Variants in CCDC191 observed in about 807,000 individuals in gnomAD.
CCDC191 encodes the protein coiled-coil domain containing 191, also known as coiled-coil domain-containing protein 191.
A neutral mutation model predicts 114.0 loss-of-function variants in CCDC191; 99 were observed. The observed-to-expected ratio is 0.87, with a 90% CI of 0.74 to 1.03. CCDC191 has a LOEUF of 1.03. Ranked by LOEUF, CCDC191 falls within the 50% of genes least tolerant of loss-of-function variation. The probability of loss-of-function intolerance (pLI) is 0.00; values close to 1 mark genes in which losing one functional copy is unlikely to be tolerated. For missense variants in CCDC191, 973 were observed against 1,087.0 expected (o/e 0.90, Z 1.47); for synonymous variants, 351 against 376.0 (o/e 0.93, Z 0.77).
intron 15 of CCDC191, 91 bp from the exon 16 acceptor site, chr3:113,978,422 A>G: frequency 7.7e-7 from 1 of 1,300,720 alleles, no homozygotes; most frequent in Non-Finnish European, 1.1e-6. Context: ...CAGAAATGAA[A>G]CAAAAGAAAC....
At chr3:114,003,386 A>G in intron 11 of CCDC191, 1 of 985,242 alleles carries the variant, frequency 1.0e-6, no homozygotes, top group Middle Eastern at 5.2e-4. Context: ...TCACCAGGCT[A>G]TTTCTTACAG....
intron 8 of CCDC191, among the ~76,000 whole-genome samples, chr3:114,018,359 G>A (rs201041988): frequency 6.8e-6 from 1 of 146,092 alleles, no homozygotes; most frequent in African/African-American, 2.6e-5. Context: ...TATTTTATTG[G>A]AGACAGGATC....
intron 4 of CCDC191, among the ~76,000 whole-genome samples, chr3:114,037,900 T>C (rs1311811923): frequency 3.3e-5 from 5 of 152,194 alleles, no homozygotes; most frequent in Admixed American, 6.5e-5. Flanking sequence ...ATATTTTTCA[T>C]CCATGGTTGG....
intron 13 of CCDC191, among the ~76,000 whole-genome samples, 155 bp downstream of exon 13, chr3:114,001,440 G>A (rs184988698): frequency 2.6e-5 from 4 of 152,292 alleles, no homozygotes; most frequent in South Asian, 2.1e-4. Flanking sequence ...TCTGAAGAAT[G>A]AGTAGCTTTT....
chr3:113,988,229 C>G (rs922997623), intron 13 of CCDC191, among the ~76,000 whole-genome samples: 1 of 151,390 alleles, frequency 6.6e-6, no homozygotes, highest in Non-Finnish European at 1.5e-5. Flanking sequence ...GGTGCAGTGG[C>G]TCACGCCTGT....
At chr3:114,046,500 A>C in intron 3 of CCDC191, 91 bp downstream of exon 3, 2 of 821,010 alleles carry the variant, frequency 2.4e-6, no homozygotes, top group Non-Finnish European at 4.2e-6. Flanking sequence ...TAAGAACAAG[A>C]GTAAGAAAAC....
At chr3:114,038,578 A>G (rs2076518780) in intron 4 of CCDC191, among the ~76,000 whole-genome samples, 1 of 152,192 alleles carries the variant, frequency 6.6e-6, no homozygotes, top group Admixed American at 6.5e-5. Flanking sequence ...GCTGCAATGA[A>G]CATACACCTG....
In CCDC191 at chr3:114,022,963, T is replaced by C. The variant is rs571984981; in HGVS notation, c.973-4095A>G. Among the ~76,000 whole-genome samples the C allele has an allele frequency of 3.3e-5, 5 of 152,272 alleles. No homozygotes were observed. The South Asian group carries it at 6.2e-4, about 19-fold the overall frequency. ...ATGATTGTATATCTAGAAAACCCCATCGTCTCAGCCCAAAATCTCCTTAAG... is the reference window on the plus strand; with the variant it reads ...ATGATTGTATATCTAGAAAACCCCACCGTCTCAGCCCAAAATCTCCTTAAG... On this transcript the variant is annotated intron_variant, in intron 7 of 16. Transcript: ENST00000295878.
intron 16 of CCDC191, among the ~76,000 whole-genome samples, chr3:113,965,569 GTTATTT>G (rs943419101): frequency 5.9e-5 from 9 of 151,970 alleles, no homozygotes; most frequent in Non-Finnish European, 1.0e-4. Flanking sequence ...TGATTGATAG[GTTATTT>G]TTATTTTTAT....
Position 113,966,103 on chromosome 3 carries a change from C to T in CCDC191, c.2607-744G>A, listed in dbSNP as rs77297629. On this transcript the variant is annotated intron_variant, in intron 16 of 16. Transcript: ENST00000295878. The stretch of plus-strand genomic sequence containing the variant: ...TCAACGCAAAAATGATGGAAAATTG[C>T]GTGCAGAATGTGCCAAAGTTACAGG... Among the ~76,000 whole-genome samples the T allele has an allele frequency of 5.6e-3, 851 of 152,240 alleles. 7 individuals carry two copies. Among genetic ancestry groups the T allele is most frequent in the African/African-American group, 0.016 (684 of 41,550 alleles).
intron 16 of CCDC191, among the ~76,000 whole-genome samples, chr3:113,966,642 G>C (rs1393067728): frequency 1.3e-5 from 2 of 152,192 alleles, no homozygotes; most frequent in East Asian, 3.8e-4. Context: ...GAAGTGCAGA[G>C]TAGTTAAGCT....
intron 3 of CCDC191, among the ~76,000 whole-genome samples, chr3:114,045,303 A>G (rs2076614307): frequency 6.6e-6 from 1 of 152,092 alleles, no homozygotes; most frequent in Admixed American, 6.6e-5. Context: ...ACCACCACCA[A>G]CAGCCTCCCA....
Position 114,005,602 on chromosome 3 carries a change from C to T in CCDC191, c.1774G>A (p.Ala592Thr), listed in dbSNP as rs1454048843. 1.9e-6 allele frequency: 3 copies of T among 1,614,020 alleles called. No individual in the cohort carries two copies. The African/African-American group carries it at 4.0e-5, about 22-fold the overall frequency. Reference sequence around the variant, plus strand: ...GTGACTGCTAAGGCATGCTCTGCTGCCCACTGAGCCTCTGCCAGCTGCAGG... The same window carrying T: ...GTGACTGCTAAGGCATGCTCTGCTGTCCACTGAGCCTCTGCCAGCTGCAGG... Reference protein sequence around the residue: ...KNLQLAEAQWAAEHALAVTEA... With the variant: ...KNLQLAEAQWTAEHALAVTEA... Residue 592 changes from alanine to threonine, a missense_variant, in exon 10 of 17, where the codon GCA becomes ACA. Coordinates refer to ENST00000295878, the MANE Select transcript of CCDC191 (RefSeq NM_020817.2).
intron 4 of CCDC191, among the ~76,000 whole-genome samples, chr3:114,037,816 A>G (rs914828353): frequency 3.3e-5 from 5 of 152,214 alleles, no homozygotes; most frequent in Non-Finnish European, 7.3e-5. Context: ...AATACTTGTT[A>G]TATGTATTGT....
At chr3:114,011,936 G>T (rs1265855384) in intron 8 of CCDC191, among the ~76,000 whole-genome samples, 2 of 152,190 alleles carry the variant, frequency 1.3e-5, no homozygotes, top group African/African-American at 4.8e-5. Flanking sequence ...TTATTATGTA[G>T]TATCAGGGAT....
chr3:114,017,527 T>C (rs2076179175), intron 8 of CCDC191, among the ~76,000 whole-genome samples: 1 of 152,208 alleles, frequency 6.6e-6, no homozygotes, highest in South Asian at 2.1e-4. Flanking sequence ...ATCACAGGAT[T>C]GCACAACTTT....
At chr3:113,967,543 A>G (rs1559863354) in intron 16 of CCDC191, among the ~76,000 whole-genome samples, 1 of 152,212 alleles carries the variant, frequency 6.6e-6, no homozygotes, top group Non-Finnish European at 1.5e-5. Context: ...TTTTGGGGGT[A>G]CATGTAATTT....
chr3:114,021,292 T>C (rs2076239965), intron 7 of CCDC191, among the ~76,000 whole-genome samples: 1 of 152,076 alleles, frequency 6.6e-6, no homozygotes, highest in Admixed American at 6.6e-5. Flanking sequence ...TGTTGAGACT[T>C]TGAGACCAAA....
chr3:114,039,015 T>C (rs762771718), intron 4 of CCDC191, among the ~76,000 whole-genome samples: 1 of 152,050 alleles, frequency 6.6e-6, no homozygotes, highest in Non-Finnish European at 1.5e-5. Flanking sequence ...CCTGCACATG[T>C]ACCCTGGACT....
Sources: gnomAD v4.1 joint callset for allele counts (sites outside exome capture counted in the v4.1 genomes callset) on GRCh38, gnomAD v4.1.1 for gene constraint, MANE v1.5 for transcripts, NCBI Gene and HGNC (gene_info 2026-07-23, HGNC 2026-07-21) for gene names.